The following PXDN variants were observed in gnomAD, a reference collection of about 807,000 sequenced individuals.
The protein encoded by PXDN is peroxidasin homolog.
In PXDN, 77 loss-of-function variants were observed where a neutral mutation model predicts 140.3. The observed-to-expected ratio is 0.55, with a 90% CI of 0.46 to 0.66. The LOEUF (loss-of-function observed/expected upper bound fraction) is 0.66, where lower values mean the gene tolerates loss of function less well. PXDN is among the 30% of genes least tolerant of loss of function. The pLI is 0.00. For missense variants in PXDN, 1,838 were observed against 2,039.5 expected (o/e 0.90, Z 1.90); for synonymous variants, 911 against 857.4 (o/e 1.06, Z -1.09).
rs1682450355 is a variant in PXDN, at chr2:1,632,983, A to T, written c.*1221T>A. 1 of 152,588 alleles carries T rather than the reference A, an allele frequency of 6.6e-6. No individual in the cohort carries two copies. Among genetic ancestry groups the T allele is most frequent in the Non-Finnish European group, 1.5e-5 (1 of 68,044 alleles). 9.5% of individuals were successfully genotyped at this position (152,588 alleles called of 1,614,324 possible). On this transcript the variant is annotated 3_prime_UTR_variant, in exon 23 of 23. Coordinates refer to ENST00000252804, the MANE Select transcript of PXDN (RefSeq NM_012293.3). The surrounding 1 kb of genome is among the most constrained non-coding windows in gnomAD (Gnocchi z 4.3). The stretch of plus-strand genomic sequence containing the variant: ...AGAACACAGATCGCTTTGTATTTAG[A>T]GAAAAATGGAAGGTTTTGGTCAATT...
At chr2:1,700,588 G>A (rs549246178) in intron 1 of PXDN, among the ~76,000 whole-genome samples, 1 of 152,256 alleles carries the variant, frequency 6.6e-6, no homozygotes, top group African/African-American at 2.4e-5. Flanking sequence ...GCTCAGCAGT[G>A]AGAACACACA....
rs778098532 is a variant in PXDN at position 1,687,653 on chromosome 2, C to T, written c.395G>A (p.Gly132Glu). Residue 132 changes from glycine (G) to glutamate (E), a missense_variant, in exon 4 of 23, where the codon GGA becomes GAA. Physicochemically the swap from Gly to Glu is moderately conservative, Grantham distance 98. Around this residue, in one of 5 missense-constraint regions of PXDN, gnomAD observed 231 missense variants for 201.5 expected, o/e 1.15. Coordinates refer to ENST00000252804, the MANE Select transcript of PXDN (RefSeq NM_012293.3). This position sits in a 1 kb window ranked among gnomAD's most constrained non-coding sequence, Gnocchi z 4.0. The stretch of plus-strand genomic sequence containing the variant: ...TTACAGTTGCTCTAGAGAGGCAAGT[C>T]CCTTAAATGCTTGCCTGTCAATTGA... Reference protein sequence around the residue: ...IQSIDRQAFKGLASLEQLYLH... With the variant: ...IQSIDRQAFKELASLEQLYLH... 2.4e-5 allele frequency: 37 copies of T among 1,526,550 alleles called. No homozygotes were observed. The highest frequency in any genetic ancestry group is 3.2e-5 in the Non-Finnish European group (35 of 1,104,602). The allele number at this position is 1,526,550 out of a possible 1,614,324, so 94.6% of individuals were successfully genotyped here. A position where few individuals can be genotyped will look rare whatever the true frequency, so the allele number is the denominator to read the frequency against.
intron 1 of PXDN, 116 bp downstream of exon 1, chr2:1,744,140 C>A: frequency 9.0e-7 from 1 of 1,106,048 alleles, no homozygotes; most frequent in East Asian, 3.6e-5. Context: ...CCCAGGCCCC[C>A]CGCGCGCCCG....
intron 10 of PXDN, 119 bp from the exon 11 acceptor site, chr2:1,665,193 C>A (rs765494525): frequency 5.3e-6 from 4 of 754,978 alleles, no homozygotes; most frequent in Non-Finnish European, 6.8e-6. Context: ...ATGTCTACAA[C>A]GAAGAGTCAG....
chr2:1,688,265 A>G (rs533328869), intron 3 of PXDN, among the ~76,000 whole-genome samples: 1 of 152,308 alleles, frequency 6.6e-6, no homozygotes, highest in Non-Finnish European at 1.5e-5. Flanking sequence ...TCTCAATAGG[A>G]GAATCCTATT....
intron 1 of PXDN, among the ~76,000 whole-genome samples, chr2:1,701,712 T>C (rs1398145071): frequency 6.6e-6 from 1 of 152,148 alleles, no homozygotes; most frequent in Non-Finnish European, 1.5e-5. Context: ...GACTGAGCGT[T>C]CGCACCCCGT....
At chr2:1,635,601 A>C (rs1268487840) in intron 21 of PXDN, 80 bp from the exon 22 acceptor site, 1 of 1,037,164 alleles carries the variant, frequency 9.6e-7, no homozygotes, top group Non-Finnish European at 1.5e-6. Flanking sequence ...ATGTTATTTC[A>C]CTGAAAATAA....
At chr2:1,671,624 T>C (rs1385729025) in intron 9 of PXDN, among the ~76,000 whole-genome samples, 1 of 152,222 alleles carries the variant, frequency 6.6e-6, no homozygotes, top group Non-Finnish European at 1.5e-5. Flanking sequence ...ATCAGAAAGA[T>C]AAAAATTGCA....
Position 1,662,163 on chromosome 2 carries a change from A to G in PXDN, c.1589T>C (p.Ile530Thr), listed in dbSNP as rs1683321084. 1.9e-6 allele frequency: 3 copies of G among 1,590,872 alleles called. No individual in the cohort carries two copies. Among genetic ancestry groups the G allele is most frequent in the African/African-American group, 1.3e-5 (1 of 74,606 alleles). Residue 530 changes from isoleucine to threonine, a missense_variant, in exon 13 of 23, where the codon ATT (isoleucine) becomes ACT (threonine). Coordinates refer to ENST00000252804, the MANE Select transcript of PXDN (RefSeq NM_012293.3). The part of the protein sequence containing the change: ...QPRVTPVFAS[I>T]PSDTTVEVGA... ...CACCTCCACTGTTGTGTCGCTGGGA[A>G]TGCTGGCAAACACTGGGGTGACTGG...
rs1440819206 is a variant in PXDN, at chr2:1,665,084, A to G, written c.1292-10T>C. On this transcript the variant is annotated splice_polypyrimidine_tract_variant and intron_variant, in intron 10 of 22. Transcript: ENST00000252804. ...GTGAACTGAGGAAGAGCTTCCGGAG[A>G]GAAAGCATTCAAAACAGGACATGTA... The G allele has an allele frequency of 6.4e-7, 1 of 1,569,490 alleles. No individual in the cohort carries two copies. Among genetic ancestry groups the G allele is most frequent in the African/African-American group, 1.4e-5 (1 of 73,920 alleles).
In PXDN at chr2:1,655,069, GC is replaced by G. The variant is rs1168952279; in HGVS notation, c.1838-562del. On this transcript the variant is annotated intron_variant, in intron 14 of 22. Transcript: ENST00000252804. ...ACACAATCACATTATACACACAGGC[GC>G]ACACACACCACCTACATAGAACATT... is the stretch of plus-strand genomic sequence containing the variant. 2.8e-5 allele frequency among the ~76,000 whole-genome samples: 4 copies of G among 141,760 alleles called. No individual in the cohort carries two copies. In the East Asian group the frequency reaches 8.7e-4, roughly 31 times the overall value. The allele number at this position is 141,760 out of a possible 152,430, so 93.0% of individuals were successfully genotyped here.
intron 15 of PXDN, 153 bp from the exon 16 acceptor site, chr2:1,653,938 C>G (rs983932247): frequency 3.3e-6 from 3 of 900,686 alleles, no homozygotes; most frequent in Non-Finnish European, 3.2e-6. Context: ...AAGTGGGAGG[C>G]AACAAAACAA....
chr2:1,644,534 T>C (rs1033512275), intron 18 of PXDN, 84 bp downstream of exon 18: 3 of 1,400,014 alleles, frequency 2.1e-6, no homozygotes, highest in Non-Finnish European at 2.8e-6. Flanking sequence ...CCTCCCTCAG[T>C]CTCAACCAGG....
rs768288974 is a variant in PXDN, at chr2:1,648,898, C to A, written c.2882G>T (p.Arg961Leu). 1 of 1,601,148 alleles carries A rather than the reference C, an allele frequency of 6.2e-7. No homozygotes were observed. The highest frequency in any genetic ancestry group is 2.2e-5 in the East Asian group (1 of 44,528). Residue 961 changes from arginine to leucine, a missense_variant, in exon 17 of 23, where the codon CGG (arginine) becomes CTG (leucine). Arg to Leu is a moderately radical substitution (Grantham distance 102). Transcript: ENST00000252804. The surrounding 1 kb of genome is among the most constrained non-coding windows in gnomAD (Gnocchi z 8.9). Reference protein sequence around the residue: ...FATGPPTECMRDENESPIPCF... With the variant: ...FATGPPTECMLDENESPIPCF... ...GGGGATGGGGCTCTCGTTCTCGTCC[C>A]GCATGCACTCCGTGGGCGGCCCGGT... is the stretch of plus-strand genomic sequence containing the variant.
At chr2:1,652,797 T>A (rs1393475955) in intron 16 of PXDN, among the ~76,000 whole-genome samples, 1 of 152,202 alleles carries the variant, frequency 6.6e-6, no homozygotes, top group Non-Finnish European at 1.5e-5. Context: ...TCTCTTTCAT[T>A]TAACCATTGA....
Position 1,633,988 on chromosome 2 carries a change from G to T in PXDN, c.*216C>A. On this transcript the variant is annotated 3_prime_UTR_variant, in exon 23 of 23. Transcript: ENST00000252804. ...AGTCTAACGTGAAGCTAGGACTCCT[G>T]CCTGCTTCCCTTCAGGCACCTGCTG... 1.9e-6 allele frequency: 1 copy of T among 530,586 alleles called. No homozygotes were observed. Among genetic ancestry groups the T allele is most frequent in the Non-Finnish European group, 3.1e-6 (1 of 319,448 alleles). 32.9% of individuals were successfully genotyped at this position (530,586 alleles called of 1,614,324 possible). A position where few individuals can be genotyped will look rare whatever the true frequency, so the allele number is the denominator to read the frequency against.
intron 12 of PXDN, among the ~76,000 whole-genome samples, chr2:1,663,178 A>AG (rs1435945345): frequency 6.6e-6 from 1 of 152,158 alleles, no homozygotes; most frequent in Non-Finnish European, 1.5e-5. Flanking sequence ...CAGACGGGAA[A>AG]GAAACTGGAT....
At chr2:1,643,847 C>A (rs753501158) in intron 18 of PXDN, among the ~76,000 whole-genome samples, 1 of 151,882 alleles carries the variant, frequency 6.6e-6, no homozygotes, top group East Asian at 1.9e-4. Flanking sequence ...CCGAGGTGGG[C>A]GGATCACGAG....
intron 1 of PXDN, among the ~76,000 whole-genome samples, chr2:1,710,733 TCCACCAGCACCCA>T (rs1243810746): frequency 2.0e-5 from 2 of 101,274 alleles, no homozygotes; most frequent in Admixed American, 1.0e-4. Context: ...CAGCACCCTC[TCCACCAGCACCCA>T]CTCCACCAGC....
Sources: allele counts gnomAD v4.1 joint callset (sites outside exome capture counted in the v4.1 genomes callset), GRCh38; gene constraint gnomAD v4.1.1; regional missense constraint gnomAD v4.1.1; non-coding constraint Gnocchi (gnomAD v3.1); transcripts MANE v1.5; gene names NCBI Gene and HGNC (gene_info 2026-07-23, HGNC 2026-07-21).